ARID4A: variants seen among roughly 807,000 people sequenced by gnomAD.
ARID4A encodes AT-rich interactive domain-containing protein 4A.
Under a neutral mutation model 148.6 loss-of-function variants are expected in ARID4A, and 39 were observed. The ratio of observed to expected loss-of-function variants is 0.26; its 90% CI spans 0.20 to 0.34. The LOEUF is 0.34. Among genes scored for constraint, ARID4A ranks in the 10% least tolerant of loss-of-function variants. ARID4A has a pLI of 1.00. For synonymous variants in ARID4A, 475 were observed against 481.2 expected (o/e 0.99, Z 0.17); for missense variants, 1,265 against 1,449.1 (o/e 0.87, Z 2.06).
intron 23 of ARID4A, among the ~76,000 whole-genome samples, chr14:58,369,258 C>T (rs756085561): frequency 3.9e-5 from 6 of 152,114 alleles, no homozygotes; most frequent in Non-Finnish European, 7.4e-5. Flanking sequence ...TAGAAAAGGA[C>T]TCACTGTGCC....
intron 5 of ARID4A, among the ~76,000 whole-genome samples, chr14:58,318,262 G>T (rs2032605797): frequency 6.6e-6 from 1 of 152,046 alleles, no homozygotes; most frequent in South Asian, 2.1e-4. Context: ...CTTTGACTAG[G>T]TTGCTAATGA....
At chr14:58,360,828 T>C in intron 18 of ARID4A, 73 bp from the exon 19 acceptor site, 1 of 1,474,030 alleles carries the variant, frequency 6.8e-7, no homozygotes, top group Non-Finnish European at 9.3e-7. Context: ...GATGTAGTTT[T>C]CTTTGGATAA....
At chr14:58,362,432 A>T (rs962141893) in intron 19 of ARID4A, among the ~76,000 whole-genome samples, 7 of 151,964 alleles carry the variant, frequency 4.6e-5, no homozygotes, top group African/African-American at 1.7e-4. Context: ...TTACAAAAAA[A>T]TTTAAAAATT....
intron 2 of ARID4A, among the ~76,000 whole-genome samples, chr14:58,300,351 A>G (rs926388232): frequency 1.6e-5 from 2 of 128,332 alleles, no homozygotes; most frequent in East Asian, 4.1e-4. Flanking sequence ...AATCTTTCCA[A>G]TAAGTATTTT....
intron 15 of ARID4A, among the ~76,000 whole-genome samples, chr14:58,348,899 A>G (rs2034501582): frequency 6.6e-6 from 1 of 152,158 alleles, no homozygotes; most frequent in South Asian, 2.1e-4. Context: ...TTTTAAGTGT[A>G]CACTTCATTG....
rs1429527954 is a variant in ARID4A at position 58,351,175 on chromosome 14, G to A, written c.1507G>A (p.Val503Ile). ...AGATAATGATACAGAAAATAAGGATGTAGATGATGACTATGAAACTGCAGA... is the reference window on the plus strand; with the variant it reads ...AGATAATGATACAGAAAATAAGGATATAGATGATGACTATGAAACTGCAGA... ...LKDNDTENKD[V>I]DDDYETAEKK... The change falls in exon 16 of 24, where the codon GTA (valine) becomes ATA (isoleucine). Residue 503 changes from valine (V) to isoleucine (I), a missense_variant. Transcript: ENST00000355431. 6.2e-7 allele frequency: 1 copy of A among 1,612,596 alleles called. No homozygotes were observed. Among genetic ancestry groups the A allele is most frequent in the Non-Finnish European group, 8.5e-7 (1 of 1,179,666 alleles).
intron 5 of ARID4A, among the ~76,000 whole-genome samples, chr14:58,310,557 G>A (rs1212873858): frequency 6.6e-6 from 1 of 152,038 alleles, no homozygotes; most frequent in Non-Finnish European, 1.5e-5. Flanking sequence ...TGGGAAAACT[G>A]GATATCTACA....
chr14:58,357,478 A>G (rs2034930636), intron 17 of ARID4A, among the ~76,000 whole-genome samples: 1 of 152,222 alleles, frequency 6.6e-6, no homozygotes, highest in South Asian at 2.1e-4. Flanking sequence ...AGTTTCTATT[A>G]ATACGCTACA....
intron 5 of ARID4A, among the ~76,000 whole-genome samples, chr14:58,309,616 A>T (rs934747667): frequency 1.3e-5 from 2 of 152,204 alleles, no homozygotes; most frequent in African/African-American, 2.4e-5. Flanking sequence ...TTTTGAAGGT[A>T]CTCTCTGTTT....
chr14:58,372,768 T>G lies in ARID4A; in HGVS notation c.*779T>G. 1 of 181,968 alleles carries G rather than the reference T, an allele frequency of 5.5e-6. No individual in the cohort carries two copies. The highest frequency in any genetic ancestry group is 1.2e-5 in the Non-Finnish European group (1 of 85,156). The allele number at this position is 181,968 out of a possible 1,614,324, so 11.3% of individuals were successfully genotyped here. A position where few individuals can be genotyped will look rare whatever the true frequency, so the allele number is the denominator to read the frequency against. On this transcript the variant is annotated 3_prime_UTR_variant, in exon 24 of 24. Coordinates refer to ENST00000355431, the MANE Select transcript of ARID4A (RefSeq NM_002892.4). ...TTATTTTGTTACAAAAAGACAAAAA[T>G]GAAATATATAACAACAATGAAGTTA...
chr14:58,337,253 T>TATATATATAC (rs1230354814), intron 11 of ARID4A, among the ~76,000 whole-genome samples: 2 of 128,174 alleles, frequency 1.6e-5, no homozygotes, highest in African/African-American at 6.1e-5. Flanking sequence ...TATTTATATA[T>TATATATATAC]ATATATATAT....
rs112209644 is a variant in ARID4A at position 58,369,484 on chromosome 14, C to G, written c.3671-2402C>G. Among the ~76,000 whole-genome samples, 4 of 151,628 alleles carry G rather than the reference C, an allele frequency of 2.6e-5. 1 individual carries two copies. On this transcript the variant is annotated intron_variant, in intron 23 of 23. Coordinates refer to ENST00000355431, the MANE Select transcript of ARID4A (RefSeq NM_002892.4). ...CTACTAAAACTACAAAAGTCAGCTG[C>G]GCATGGTGGCAGATGCCTGTAATCC...
At chr14:58,311,173 G>T (rs370336790) in intron 5 of ARID4A, among the ~76,000 whole-genome samples, 55 of 152,250 alleles carry the variant, frequency 3.6e-4, no homozygotes, top group African/African-American at 1.2e-3. Context: ...TTGAACCCTG[G>T]AGGCGGAGGC....
At chr14:58,367,748 A>G (rs1042398172) in intron 23 of ARID4A, among the ~76,000 whole-genome samples, 5 of 152,228 alleles carry the variant, frequency 3.3e-5, no homozygotes, top group African/African-American at 1.2e-4. Context: ...CTAAAATAAC[A>G]GTAAAGGAAA....
rs1294796156 is a variant in ARID4A at position 58,364,856 on chromosome 14, C to G, written c.2767C>G (p.Gln923Glu). Residue 923 changes from glutamine (Q) to glutamate (E), a missense_variant, in exon 20 of 24, where the codon CAA (glutamine) becomes GAA (glutamate). Coordinates refer to ENST00000355431, the MANE Select transcript of ARID4A (RefSeq NM_002892.4). ...SLIAESNQCI[Q>E]QLTSERFDSP... ...GATAGCAGAGTCAAACCAATGCATC[C>G]AACAACTGACTAGTGAAAGATTTGA... The G allele has an allele frequency of 6.2e-7, 1 of 1,613,880 alleles. No individual in the cohort carries two copies. The highest frequency in any genetic ancestry group is 1.3e-5 in the African/African-American group (1 of 74,886).
intron 11 of ARID4A, among the ~76,000 whole-genome samples, chr14:58,342,092 G>A (rs2034143514): frequency 6.6e-6 from 1 of 152,168 alleles, no homozygotes; most frequent in Non-Finnish European, 1.5e-5. Flanking sequence ...TCTAATTGGA[G>A]GCGTTCTCTA....
intron 11 of ARID4A, among the ~76,000 whole-genome samples, chr14:58,330,699 C>G: frequency 6.6e-6 from 1 of 152,108 alleles, no homozygotes; most frequent in East Asian, 1.9e-4. Flanking sequence ...AAAAAAAATC[C>G]TATCCAAACC....
chr14:58,302,084 G>A (rs4595719), intron 3 of ARID4A, among the ~76,000 whole-genome samples: 106,580 of 151,686 alleles, frequency 0.7, 37,804 homozygotes, highest in Middle Eastern at 0.87. Context: ...GTGACTGGGC[G>A]TAGTGTCTCA....
chr14:58,314,931 C>T (rs1466337696), intron 5 of ARID4A, among the ~76,000 whole-genome samples: 1 of 152,094 alleles, frequency 6.6e-6, no homozygotes, highest in Non-Finnish European at 1.5e-5. Flanking sequence ...CCAACCTGGT[C>T]AACATGGTGA....
Sources: allele counts gnomAD v4.1 joint callset (sites outside exome capture counted in the v4.1 genomes callset), GRCh38; gene constraint gnomAD v4.1.1; transcripts MANE v1.5; gene names NCBI Gene and HGNC (gene_info 2026-07-23, HGNC 2026-07-21).